Variants in CARMIL1 observed in about 807,000 individuals in gnomAD.
CARMIL1 encodes capping protein regulator and myosin 1 linker 1.
A neutral mutation model predicts 177.1 loss-of-function variants in CARMIL1; 90 were observed. The ratio of observed to expected loss-of-function variants is 0.51; its 90% confidence interval spans 0.43 to 0.61. The LOEUF (loss-of-function observed/expected upper bound fraction) is 0.61, where lower values mean the gene tolerates loss of function less well. CARMIL1 is among the 20% of genes least tolerant of loss of function. CARMIL1 has a pLI of 0.00. For missense variants in CARMIL1, 1,380 were observed against 1,667.0 expected (o/e 0.83, Z 3.00); for synonymous variants, 577 against 606.2 (o/e 0.95, Z 0.71).
chr6:25,449,178 TG>T (rs952484006), intron 5 of CARMIL1, among the ~76,000 whole-genome samples: 1 of 152,118 alleles, frequency 6.6e-6, no homozygotes, highest in African/African-American at 2.4e-5. Flanking sequence ...GGCTCAGCCC[TG>T]GGGGGGTTAT....
In CARMIL1 at chr6:25,420,107, C is replaced by T; in HGVS notation, c.139-7C>T. ...CTTATACTGATGCTGCTGCTTCTGTCTTACAGGTCCTTACATCATGCCGAG... is the reference window on the plus strand; with the variant it reads ...CTTATACTGATGCTGCTGCTTCTGTTTTACAGGTCCTTACATCATGCCGAG... On this transcript the variant is annotated splice_region_variant and splice_polypyrimidine_tract_variant and intron_variant, in intron 2 of 36. Coordinates refer to ENST00000329474, the MANE Select transcript of CARMIL1 (RefSeq NM_017640.6). 2 of 1,611,824 alleles carry T rather than the reference C, an allele frequency of 1.2e-6. No homozygotes were observed. Among genetic ancestry groups the T allele is most frequent in the Non-Finnish European group, 1.7e-6 (2 of 1,177,990 alleles).
chr6:25,302,875 A>G (rs1227806001), intron 2 of CARMIL1, among the ~76,000 whole-genome samples: 1 of 152,154 alleles, frequency 6.6e-6, no homozygotes, highest in Non-Finnish European at 1.5e-5. Context: ...ACACTCAATG[A>G]CTAACCCAGG....
chr6:25,490,734 TAAATAAATAAATAAATA>T (rs1481965909), intron 13 of CARMIL1, among the ~76,000 whole-genome samples: 42 of 133,710 alleles, frequency 3.1e-4, no homozygotes, highest in African/African-American at 1.1e-3. Flanking sequence ...AATAAATAAA[TAAATAAATAAATAAATA>T]AAAAAAAATA....
At chr6:25,609,465 CAAA>C (rs11399080) in intron 35 of CARMIL1, among the ~76,000 whole-genome samples, 5 of 137,088 alleles carry the variant, frequency 3.6e-5, no homozygotes, top group Non-Finnish European at 6.3e-5. Context: ...GACTCCATCT[CAAA>C]AAAAAAAAAA....
chr6:25,351,010 A>G (rs890596738), intron 2 of CARMIL1, among the ~76,000 whole-genome samples: 1 of 152,196 alleles, frequency 6.6e-6, no homozygotes, highest in Non-Finnish European at 1.5e-5. Flanking sequence ...ACGAGAGTAG[A>G]GCACTCCCTC....
chr6:25,317,879 A>G (rs1188039512), intron 2 of CARMIL1, among the ~76,000 whole-genome samples: 4 of 152,096 alleles, frequency 2.6e-5, no homozygotes, highest in Non-Finnish European at 4.4e-5. Flanking sequence ...TAGGGCTTCT[A>G]ATTCACTTTC....
intron 23 of CARMIL1, among the ~76,000 whole-genome samples, chr6:25,526,548 T>A (rs189342045): frequency 7.3e-5 from 11 of 151,508 alleles, no homozygotes; most frequent in African/African-American, 2.7e-4. Context: ...CTCCTTCTCT[T>A]CTGTTCTTTT....
chr6:25,362,128 C>G (rs1445927897), intron 2 of CARMIL1, among the ~76,000 whole-genome samples: 1 of 152,164 alleles, frequency 6.6e-6, no homozygotes, highest in East Asian at 1.9e-4. Context: ...AACTGCTGTT[C>G]CACTTGTAAG....
chr6:25,580,192 T>C (rs1372672546), intron 29 of CARMIL1, among the ~76,000 whole-genome samples: 1 of 152,178 alleles, frequency 6.6e-6, no homozygotes, highest in Non-Finnish European at 1.5e-5. Flanking sequence ...AGTTTATTTG[T>C]GTAGGTGATG....
intron 3 of CARMIL1, among the ~76,000 whole-genome samples, chr6:25,423,241 C>A (rs1328686773): frequency 6.6e-6 from 1 of 152,042 alleles, no homozygotes; most frequent in Non-Finnish European, 1.5e-5. Flanking sequence ...GTGAAATATA[C>A]AACATATATA....
At chr6:25,541,165 C>G (rs1292450735) in intron 26 of CARMIL1, among the ~76,000 whole-genome samples, 1 of 152,080 alleles carries the variant, frequency 6.6e-6, no homozygotes, top group Non-Finnish European at 1.5e-5. Flanking sequence ...ATGACTTACT[C>G]TTTGTGAAAT....
At chr6:25,370,327 G>C (rs899532489) in intron 2 of CARMIL1, among the ~76,000 whole-genome samples, 9 of 152,112 alleles carry the variant, frequency 5.9e-5, no homozygotes, top group African/African-American at 2.2e-4. Context: ...GGGGGTAGGC[G>C]GGGGAAGGTG....
chr6:25,328,114 A>T (rs1414091011), intron 2 of CARMIL1, among the ~76,000 whole-genome samples: 1 of 152,220 alleles, frequency 6.6e-6, no homozygotes, highest in African/African-American at 2.4e-5. Context: ...ATGAGCTAGT[A>T]AAGAAAACTA....
At chr6:25,415,751 CAAATG>C (rs1434076980) in intron 2 of CARMIL1, among the ~76,000 whole-genome samples, 1 of 152,106 alleles carries the variant, frequency 6.6e-6, no homozygotes, top group Non-Finnish European at 1.5e-5. Flanking sequence ...AACTGTGTTA[CAAATG>C]AAATACTTTT....
At chr6:25,486,076 A>T (rs949035058) in intron 12 of CARMIL1, among the ~76,000 whole-genome samples, 6 of 152,204 alleles carry the variant, frequency 3.9e-5, no homozygotes, top group Non-Finnish European at 8.8e-5. Flanking sequence ...AGGCAGAACC[A>T]TCTGGTACCA....
intron 27 of CARMIL1, among the ~76,000 whole-genome samples, chr6:25,551,671 A>C (rs771561518): frequency 4.6e-5 from 7 of 152,224 alleles, no homozygotes; most frequent in Non-Finnish European, 7.4e-5. Flanking sequence ...TTTTATGTAG[A>C]GACTCTTGGT....
chr6:25,379,735 T>C (rs1554182614), intron 2 of CARMIL1, among the ~76,000 whole-genome samples: 1 of 152,224 alleles, frequency 6.6e-6, no homozygotes, highest in Non-Finnish European at 1.5e-5. Context: ...GATTGCTATA[T>C]TTCCAAAAGG....
chr6:25,441,590 A>C (rs1207076958), intron 5 of CARMIL1, among the ~76,000 whole-genome samples: 1 of 152,066 alleles, frequency 6.6e-6, no homozygotes, highest in Non-Finnish European at 1.5e-5. Context: ...TTAATTCAAA[A>C]TATAGAGAAC....
At chr6:25,339,274 A>G (rs1405177159) in intron 2 of CARMIL1, among the ~76,000 whole-genome samples, 1 of 152,236 alleles carries the variant, frequency 6.6e-6, no homozygotes, top group East Asian at 1.9e-4. Flanking sequence ...TGAGTTCTGG[A>G]CATTGCAGAT....
Sources: allele counts gnomAD v4.1 joint callset (sites outside exome capture counted in the v4.1 genomes callset), GRCh38; gene constraint gnomAD v4.1.1; transcripts MANE v1.5; gene names NCBI Gene and HGNC (gene_info 2026-07-23, HGNC 2026-07-21).